CACNA2D1: variants seen among roughly 807,000 people sequenced by gnomAD.
CACNA2D1 encodes voltage-dependent calcium channel subunit alpha-2/delta-1.
Under a neutral mutation model 171.5 loss-of-function variants are expected in CACNA2D1, and 53 were observed. That is an observed-to-expected ratio of 0.31 (90% CI 0.25 to 0.39). CACNA2D1 has a LOEUF of 0.39. CACNA2D1 is among the 10% of genes least tolerant of loss of function. CACNA2D1 has a pLI of 1.00. For missense variants in CACNA2D1, 903 were observed against 1,299.8 expected (o/e 0.69, Z 4.69); for synonymous variants, 442 against 443.1 (o/e 1.00, Z 0.03).
intron 4 of CACNA2D1, among the ~76,000 whole-genome samples, chr7:82,151,406 T>A (rs3823920): frequency 0.66 from 100,960 of 151,914 alleles, 33,571 homozygotes; most frequent in South Asian, 0.69. Flanking sequence ...GCACTGAATG[T>A]CAAATTTAAA....
chr7:82,134,715 C>A (rs1791405706), intron 5 of CACNA2D1, among the ~76,000 whole-genome samples: 1 of 152,012 alleles, frequency 6.6e-6, no homozygotes, highest in Admixed American at 6.6e-5. Flanking sequence ...ATGGGAAAAA[C>A]AAGACAAGTT....
intron 1 of CACNA2D1, among the ~76,000 whole-genome samples, chr7:82,373,892 T>C (rs994712170): frequency 6.6e-6 from 1 of 152,224 alleles, no homozygotes; most frequent in Non-Finnish European, 1.5e-5. Context: ...TGCTTCTATC[T>C]AGACAAGTGT....
intron 1 of CACNA2D1, among the ~76,000 whole-genome samples, chr7:82,411,160 G>A (rs1175763954): frequency 6.6e-6 from 1 of 152,092 alleles, no homozygotes; most frequent in South Asian, 2.1e-4. Context: ...TCTTTTAATG[G>A]CCCTCCAAGT....
chr7:82,427,841 T>A (rs1281438931), intron 1 of CACNA2D1, among the ~76,000 whole-genome samples: 1 of 152,176 alleles, frequency 6.6e-6, no homozygotes, highest in Non-Finnish European at 1.5e-5. Flanking sequence ...AATTAAAAAG[T>A]CACTCAAATG....
chr7:82,144,277 A>C (rs967374898), intron 4 of CACNA2D1, among the ~76,000 whole-genome samples: 2 of 152,078 alleles, frequency 1.3e-5, no homozygotes, highest in African/African-American at 4.8e-5. Flanking sequence ...TTTTCTTCGA[A>C]TCTGATTTTC....
intron 32 of CACNA2D1, 43 bp downstream of exon 32, chr7:81,965,549 AAC>A: frequency 1.0e-6 from 1 of 988,262 alleles, no homozygotes; most frequent in Non-Finnish European, 1.6e-6. Context: ...TGATCCGGGA[AAC>A]ACACTTTGGA....
At chr7:82,051,780 C>T (rs1444827752) in intron 10 of CACNA2D1, among the ~76,000 whole-genome samples, 2 of 152,210 alleles carry the variant, frequency 1.3e-5, no homozygotes, top group Non-Finnish European at 2.9e-5. Context: ...ACTTGAAATT[C>T]TGCCTGCAAA....
At chr7:81,973,623 G>A (rs1795525797) in intron 25 of CACNA2D1, among the ~76,000 whole-genome samples, 1 of 151,900 alleles carries the variant, frequency 6.6e-6, no homozygotes, top group Non-Finnish European at 1.5e-5. Flanking sequence ...CTCTTTGAGA[G>A]AGAACCAAAA....
At chr7:82,210,510 T>C (rs750067411) in intron 3 of CACNA2D1, among the ~76,000 whole-genome samples, 1 of 152,168 alleles carries the variant, frequency 6.6e-6, no homozygotes, top group Non-Finnish European at 1.5e-5. Context: ...TCATATGAGC[T>C]GGGACTTAGA....
At chr7:82,426,375 C>T (rs538254221) in intron 1 of CACNA2D1, among the ~76,000 whole-genome samples, 2 of 152,048 alleles carry the variant, frequency 1.3e-5, no homozygotes, top group African/African-American at 2.4e-5. Flanking sequence ...TAAACGGCCG[C>T]ACATAAAAGA....
chr7:82,154,132 T>C (rs1794122484), intron 4 of CACNA2D1, among the ~76,000 whole-genome samples: 1 of 152,164 alleles, frequency 6.6e-6, no homozygotes, highest in South Asian at 2.1e-4. Context: ...AAAAACATAA[T>C]GTGTGTAGTT....
chr7:82,206,808 T>C (rs924330496), intron 3 of CACNA2D1, among the ~76,000 whole-genome samples: 20 of 152,200 alleles, frequency 1.3e-4, no homozygotes, highest in African/African-American at 3.6e-4. Context: ...GATATGTTTA[T>C]ATGTGTATGT....
chr7:82,222,323 C>T (rs968816043), intron 3 of CACNA2D1, among the ~76,000 whole-genome samples: 4 of 152,242 alleles, frequency 2.6e-5, no homozygotes, highest in African/African-American at 4.8e-5. Flanking sequence ...CAGTTGAGAC[C>T]GGGGCAGCCA....
chr7:82,168,685 A>C (rs543629701), intron 4 of CACNA2D1, among the ~76,000 whole-genome samples: 5 of 146,398 alleles, frequency 3.4e-5, no homozygotes, highest in African/African-American at 1.2e-4. Context: ...ATGTCTAGAA[A>C]TTAATAAATA....
chr7:81,950,400 GGCGGTGTGT>G lies in CACNA2D1; in HGVS notation c.3259_3267del (p.Thr1087_Arg1089del). 6.2e-7 allele frequency: 1 copy of G among 1,613,218 alleles called. No homozygotes were observed. Among genetic ancestry groups the G allele is most frequent in the Non-Finnish European group, 8.5e-7 (1 of 1,179,490 alleles). On this transcript the variant is annotated inframe_deletion, in exon 39 of 39. Coordinates refer to ENST00000356860, the MANE Select transcript of CACNA2D1 (RefSeq NM_000722.4). ...ATTTGGTTTTTAGAAGGTCATAACAGGCGGTGTGTGCTGCCAGATACCAGCCAAAGTAGT... is the reference window on the plus strand; with the variant it reads ...ATTTGGTTTTTAGAAGGTCATAACAGGCTGCCAGATACCAGCCAAAGTAGT...
At chr7:82,424,308 A>G (rs561866959) in intron 1 of CACNA2D1, among the ~76,000 whole-genome samples, 1 of 152,360 alleles carries the variant, frequency 6.6e-6, no homozygotes, top group East Asian at 1.9e-4. Context: ...AAGGAAATTT[A>G]CTGAGCACCC....
chr7:82,255,388 T>A (rs1468667154), intron 3 of CACNA2D1, among the ~76,000 whole-genome samples: 2 of 152,152 alleles, frequency 1.3e-5, no homozygotes, highest in African/African-American at 2.4e-5. Context: ...GACGTATGTA[T>A]CCCCAGAGTA....
Position 81,956,845 on chromosome 7 carries a change from G to GTAAATGAAAAAC in CACNA2D1, c.3159+2429_3159+2430insGTTTTTCATTTA, listed in dbSNP as rs1554325692. On this transcript the variant is annotated intron_variant, in intron 38 of 38. Transcript: ENST00000356860. Reference sequence around the variant, plus strand: ...GCATTAGAAAAGAAATTGCAAAACAGTAAATGAAGAACTAAATGCAAATCC... The same window carrying GTAAATGAAAAAC: ...GCATTAGAAAAGAAATTGCAAAACAGTAAATGAAAAACTAAATGAAGAACTAAATGCAAATCC... Among the ~76,000 whole-genome samples, 11 of 151,468 alleles carry GTAAATGAAAAAC rather than the reference G, an allele frequency of 7.3e-5. 1 individual carries two copies. The East Asian group carries it at 2.1e-3, about 30-fold the overall frequency.
chr7:81,984,741 C>T (rs1796782285), intron 21 of CACNA2D1, 30 bp from the exon 22 acceptor site: 1 of 1,130,666 alleles, frequency 8.8e-7, no homozygotes. Context: ...AGCATAAACA[C>T]AAACAAACAA....
Sources: allele counts gnomAD v4.1 joint callset (sites outside exome capture counted in the v4.1 genomes callset), GRCh38; gene constraint gnomAD v4.1.1; transcripts MANE v1.5; gene names NCBI Gene and HGNC (gene_info 2026-07-23, HGNC 2026-07-21).